Variants in BRWD1 observed in about 807,000 individuals in gnomAD.
The protein encoded by BRWD1 is bromodomain and WD repeat-containing protein 1.
In BRWD1, 82 loss-of-function variants were observed where a neutral mutation model predicts 251.2. That is an observed-to-expected ratio of 0.33 (90% CI 0.27 to 0.39). BRWD1 has a LOEUF of 0.39. BRWD1 is among the 10% of genes least tolerant of loss of function. BRWD1 has a pLI of 1.00. For synonymous variants in BRWD1, 918 were observed against 902.8 expected (o/e 1.02, Z -0.30); for missense variants, 2,233 against 2,711.6 (o/e 0.82, Z 3.92).
chr21:39,296,565 CAACT>C (rs2035967332), intron 5 of BRWD1: 2 of 1,218,284 alleles, frequency 1.6e-6, no homozygotes, highest in Non-Finnish European at 2.0e-6. Context: ...GCAGCAACAA[CAACT>C]AACATTTGTG....
intron 21 of BRWD1, among the ~76,000 whole-genome samples, chr21:39,240,522 A>G (rs1015560371): frequency 6.6e-6 from 1 of 152,180 alleles, no homozygotes; most frequent in African/African-American, 2.4e-5. Flanking sequence ...AAATAAATAT[A>G]TCCCCAAATG....
At chr21:39,313,854 G>A (rs2036620354), upstream of BRWD1, 4 of 338,762 alleles carry the variant, frequency 1.2e-5, no homozygotes, top group South Asian at 2.5e-5. Context: ...AGGGGAGGGC[G>A]CGTGGTCCGA....
rs1457492162 is a variant in BRWD1, at chr21:39,207,919, A to G, written c.4198-1645T>C. Among the ~76,000 whole-genome samples the G allele has an allele frequency of 2.0e-5, 3 of 152,324 alleles. No homozygotes were observed. In the East Asian group the frequency reaches 5.8e-4, roughly 29 times the overall value. On this transcript the variant is annotated intron_variant, in intron 36 of 40. Transcript: ENST00000342449. ...CTGGACACAAAGGACAAATATGGTA[A>G]GATCTCAATTTTTATATGAAATTAT... is the stretch of plus-strand genomic sequence containing the variant.
rs878944324 is a variant in BRWD1 at position 39,255,946 on chromosome 21, T to A, written c.2072-118A>T. The A allele has an allele frequency of 7.7e-5, 68 of 884,970 alleles. No individual in the cohort carries two copies. In the East Asian group the frequency reaches 1.7e-3, roughly 23 times the overall value. 54.8% of individuals were successfully genotyped at this position (884,970 alleles called of 1,614,324 possible). ...CCAAAAATAAAGAACTAAGAGAAGA[T>A]AGTATCTACTGAAAAAACTTTGTGA... On this transcript the variant is annotated intron_variant, in intron 18 of 40. Coordinates refer to ENST00000342449, the MANE Select transcript of BRWD1 (RefSeq NM_033656.4).
At chr21:39,259,456 A>C (rs915203711) in intron 17 of BRWD1, among the ~76,000 whole-genome samples, 18 of 142,008 alleles carry the variant, frequency 1.3e-4, no homozygotes, top group African/African-American at 3.6e-4. Flanking sequence ...ATGCCCGGCT[A>C]ATTTTTTGTA....
At chr21:39,300,653 T>G (rs1215856990) in intron 4 of BRWD1, among the ~76,000 whole-genome samples, 6 of 152,132 alleles carry the variant, frequency 3.9e-5, no homozygotes, top group African/African-American at 2.4e-5. Context: ...TACTGCAGCC[T>G]CTACTCTTTA....
chr21:39,295,124 T>C (rs745904620), intron 7 of BRWD1, among the ~76,000 whole-genome samples: 46 of 150,168 alleles, frequency 3.1e-4, no homozygotes, highest in Non-Finnish European at 6.4e-4. Context: ...CAATGTAATC[T>C]AATTCAGTAA....
At chr21:39,253,134 A>G (rs1224415845) in intron 19 of BRWD1, among the ~76,000 whole-genome samples, 2 of 152,050 alleles carry the variant, frequency 1.3e-5, no homozygotes, top group Non-Finnish European at 2.9e-5. Flanking sequence ...TACTGAAAAT[A>G]CAAAATTAGC....
rs2031773970 is a variant in BRWD1, at chr21:39,195,648, A to G, written c.*611T>C. The G allele has an allele frequency of 1.0e-6, 1 of 985,358 alleles. No individual in the cohort carries two copies. Among genetic ancestry groups the G allele is most frequent in the Non-Finnish European group, 1.2e-6 (1 of 829,624 alleles). The allele number at this position is 985,358 out of a possible 1,614,324, so 61.0% of individuals were successfully genotyped here. On this transcript the variant is annotated 3_prime_UTR_variant, in exon 41 of 41. Coordinates refer to ENST00000342449, the MANE Select transcript of BRWD1 (RefSeq NM_033656.4). The stretch of plus-strand genomic sequence containing the variant: ...TGACAACGTTTTCCTTAAGAAGAAA[A>G]AAACCCAACAGCACTTGGGAAGAAA...
At chr21:39,248,556 C>A (rs550360175) in intron 20 of BRWD1, among the ~76,000 whole-genome samples, 1 of 146,390 alleles carries the variant, frequency 6.8e-6, no homozygotes, top group South Asian at 2.2e-4. Flanking sequence ...GAGGATCACT[C>A]AAGCCCAGGA....
chr21:39,247,687 A>T lies in BRWD1; in HGVS notation c.2481+14T>A. 2 of 1,589,488 alleles carry T rather than the reference A, an allele frequency of 1.3e-6. No individual in the cohort carries two copies. Among genetic ancestry groups the T allele is most frequent in the Non-Finnish European group, 1.7e-6 (2 of 1,171,194 alleles). ...TTAAGATTATCTTATAACATTTTAA[A>T]GTTTTCCACTCACATGTCTTACAGA... On this transcript the variant is annotated intron_variant, in intron 21 of 40. Coordinates refer to ENST00000342449, the MANE Select transcript of BRWD1 (RefSeq NM_033656.4).
At chr21:39,302,862 C>A (rs192434749) in intron 4 of BRWD1, among the ~76,000 whole-genome samples, 1 of 151,860 alleles carries the variant, frequency 6.6e-6, no homozygotes, top group East Asian at 1.9e-4. Context: ...GAGTTCAAGA[C>A]CAGCCTGGGC....
At chr21:39,301,342 T>C (rs2036105991) in intron 4 of BRWD1, among the ~76,000 whole-genome samples, 1 of 152,168 alleles carries the variant, frequency 6.6e-6, no homozygotes, top group Non-Finnish European at 1.5e-5. Flanking sequence ...ATGATTAGGT[T>C]ACAATTGTGA....
At chr21:39,310,902 T>C (rs2036459350) in intron 4 of BRWD1, among the ~76,000 whole-genome samples, 3 of 152,104 alleles carry the variant, frequency 2.0e-5, no homozygotes, top group Admixed American at 6.6e-5. Context: ...TTTGAAAGTT[T>C]AGAAACGATA....
intron 5 of BRWD1, chr21:39,296,825 A>T (rs1408731078): frequency 2.6e-5 from 25 of 974,554 alleles, no homozygotes; most frequent in Non-Finnish European, 3.0e-5. Flanking sequence ...ATATCATACA[A>T]TACTAAAGAT....
chr21:39,210,732 T>C (rs145215527), intron 35 of BRWD1, 54 bp downstream of exon 35: 18 of 1,537,144 alleles, frequency 1.2e-5, no homozygotes, highest in Non-Finnish European at 1.6e-5. Context: ...TCTACCCCAG[T>C]TTCCTCACTG....
rs150577020 is a variant in BRWD1 at position 39,230,248 on chromosome 21, G to A, written c.3001-812C>T. ...ACAAGTGAAAGTCCCTACCTGGATG[G>A]AGTATCCATCAAATGGATTTGCCAT... On this transcript the variant is annotated intron_variant, in intron 25 of 40. Coordinates refer to ENST00000342449, the MANE Select transcript of BRWD1 (RefSeq NM_033656.4). Among the ~76,000 whole-genome samples the A allele has an allele frequency of 7.2e-3, 1,093 of 152,244 alleles. 6 individuals carry two copies. Among genetic ancestry groups the A allele is most frequent in the Non-Finnish European group, 0.012 (818 of 68,006 alleles).
chr21:39,226,745 G>A (rs1020148239), intron 27 of BRWD1, among the ~76,000 whole-genome samples: 2 of 152,130 alleles, frequency 1.3e-5, no homozygotes, highest in Non-Finnish European at 2.9e-5. Context: ...ATAAAGAGGA[G>A]CCACACGCCC....
intron 4 of BRWD1, among the ~76,000 whole-genome samples, chr21:39,301,762 G>A (rs563793263): frequency 6.6e-6 from 1 of 151,758 alleles, no homozygotes; most frequent in African/African-American, 2.4e-5. Flanking sequence ...TAAAACTGCT[G>A]AAAATCAAAG....
Sources: allele counts gnomAD v4.1 joint callset (sites outside exome capture counted in the v4.1 genomes callset), GRCh38; gene constraint gnomAD v4.1.1; transcripts MANE v1.5; gene names NCBI Gene and HGNC (gene_info 2026-07-23, HGNC 2026-07-21).